Variants in POLA1 observed in about 807,000 individuals in gnomAD.
POLA1 encodes DNA polymerase alpha 1, catalytic subunit, also known as DNA polymerase alpha catalytic subunit.
POLA1 carries 15 observed loss-of-function variants against 124.0 expected under a neutral mutation model. The ratio of observed to expected loss-of-function variants is 0.12; its 90% CI spans 0.08 to 0.19. POLA1 has a LOEUF of 0.19. POLA1 is among the 10% of genes least tolerant of loss of function. POLA1 has a pLI of 1.00. For synonymous variants in POLA1, 408 were observed against 389.4 expected (o/e 1.05, Z -0.56); for missense variants, 886 against 1,103.4 (o/e 0.80, Z 2.79).
At chrX:24,775,445 G>C (rs774202378) in intron 26 of POLA1, 6 of 112,208 alleles carry the variant, frequency 5.3e-5, no homozygotes, top group Non-Finnish European at 9.4e-5. Flanking sequence ...CTTTTGAGTA[G>C]TATCATTTTA....
chrX:24,970,096 C>T (rs1252738159), intron 36 of POLA1, among the ~76,000 whole-genome samples: 3 of 111,997 alleles, frequency 2.7e-5, no homozygotes, highest in South Asian at 3.7e-4. Context: ...ATTGATTCCA[C>T]GTCTCTGCAG....
intron 26 of POLA1, among the ~76,000 whole-genome samples, chrX:24,782,195 A>G (rs749521568): frequency 6.1e-4 from 68 of 112,049 alleles, no homozygotes; most frequent in African/African-American, 2.1e-3. Context: ...TTTTCTCTTT[A>G]TAGACAACCC....
intron 1 of POLA1, among the ~76,000 whole-genome samples, chrX:24,699,029 G>A (rs987399049): frequency 8.9e-6 from 1 of 112,004 alleles, no homozygotes; most frequent in Non-Finnish European, 1.9e-5. Context: ...TTGATTGACA[G>A]ATTGCAAAAT....
At chrX:24,881,543 A>T (rs190101502) in intron 34 of POLA1, among the ~76,000 whole-genome samples, 8 of 111,779 alleles carry the variant, frequency 7.2e-5, no homozygotes, top group African/African-American at 9.7e-5. Flanking sequence ...AGTTTTTCAT[A>T]ACCTCAATTC....
intron 33 of POLA1, among the ~76,000 whole-genome samples, chrX:24,842,170 T>C (rs1410732444): frequency 3.6e-5 from 4 of 112,051 alleles, no homozygotes; most frequent in Non-Finnish European, 7.5e-5. Context: ...CCCCCATCTA[T>C]TAAGACTTAG....
chrX:24,723,873 G>A (rs1177527665), intron 11 of POLA1, among the ~76,000 whole-genome samples: 1 of 112,131 alleles, frequency 8.9e-6, no homozygotes, highest in African/African-American at 3.2e-5. Flanking sequence ...TAGATACAGG[G>A]TTTCACCATG....
At chrX:24,831,540 C>T (rs1197608883) in intron 32 of POLA1, among the ~76,000 whole-genome samples, 1 of 110,602 alleles carries the variant, frequency 9.0e-6, no homozygotes, top group Non-Finnish European at 1.9e-5. Context: ...CCTGCCTCAG[C>T]CTCCTGAGTA....
chrX:24,815,237 CAACT>C (rs2045974078), intron 30 of POLA1, 126 bp downstream of exon 30: 1 of 606,364 alleles, frequency 1.6e-6, no homozygotes, highest in African/African-American at 2.3e-5. Flanking sequence ...AGCTGCTTAA[CAACT>C]ATCTCACAGA....
At chrX:24,822,410 A>AT (rs1457389340) in intron 31 of POLA1, among the ~76,000 whole-genome samples, 1 of 112,802 alleles carries the variant, frequency 8.9e-6, no homozygotes, top group African/African-American at 3.2e-5. Flanking sequence ...TTGTTATTGC[A>AT]TTGTGTTGTT....
intron 36 of POLA1, among the ~76,000 whole-genome samples, chrX:24,940,997 G>A: frequency 8.9e-6 from 1 of 111,964 alleles, no homozygotes; most frequent in Non-Finnish European, 1.9e-5. Flanking sequence ...CTAGTAGTTA[G>A]GGGTTATTTT....
At chrX:24,716,486 T>C (rs1476568737) in intron 7 of POLA1, 32 bp downstream of exon 7, 15 of 763,784 alleles carry the variant, frequency 2.0e-5, no homozygotes, top group Non-Finnish European at 3.0e-5. Flanking sequence ...TCAATCTTGA[T>C]TTATAGTATT....
chrX:24,990,093 C>T (rs890301043), intron 36 of POLA1, among the ~76,000 whole-genome samples: 2 of 111,665 alleles, frequency 1.8e-5, no homozygotes, highest in Non-Finnish European at 3.8e-5. Context: ...TACAGAGATA[C>T]GTGTAAAATA....
intron 35 of POLA1, among the ~76,000 whole-genome samples, chrX:24,920,182 A>C (rs2047597088): frequency 9.0e-6 from 1 of 110,847 alleles, no homozygotes; most frequent in Non-Finnish European, 1.9e-5. Flanking sequence ...ACATATTTTT[A>C]ATCAAAGGTG....
chrX:24,952,708 G>C (rs1032808357), intron 36 of POLA1, among the ~76,000 whole-genome samples: 1 of 112,190 alleles, frequency 8.9e-6, no homozygotes, highest in Non-Finnish European at 1.9e-5. Flanking sequence ...CAGTTTTTTA[G>C]TAGTTTGTTG....
At chrX:24,709,239 G>A (rs1437527019) in intron 4 of POLA1, among the ~76,000 whole-genome samples, 3 of 99,728 alleles carry the variant, frequency 3.0e-5, no homozygotes, top group African/African-American at 4.1e-5. Context: ...GGCCGGGCGG[G>A]GGGCTGACCC....
intron 32 of POLA1, among the ~76,000 whole-genome samples, chrX:24,831,572 C>T (rs1252270112): frequency 1.8e-5 from 2 of 109,936 alleles, no homozygotes; most frequent in African/African-American, 6.6e-5. Flanking sequence ...AGGTGTGTGC[C>T]ACCACACCTG....
intron 26 of POLA1, chrX:24,788,914 G>C (rs748275116): frequency 8.3e-7 from 1 of 1,200,659 alleles, no homozygotes; most frequent in Non-Finnish European, 1.1e-6. Flanking sequence ...ACCAACGTAG[G>C]GCATGACACA....
At chrX:24,781,951 G>C (rs934519375) in intron 26 of POLA1, among the ~76,000 whole-genome samples, 2 of 111,494 alleles carry the variant, frequency 1.8e-5, no homozygotes, top group Admixed American at 9.6e-5. Flanking sequence ...TAGGTCTCTG[G>C]ATCTCAGCCT....
rs555971201 is a variant in POLA1 at position 24,810,069 on chromosome X, T to C, written c.2997+139T>C. ...GTTTAACATTTATAATCCTTCCTAATGGATTACAGCTTTTTTCTTTTACCA... is the reference window on the plus strand; with the variant it reads ...GTTTAACATTTATAATCCTTCCTAACGGATTACAGCTTTTTTCTTTTACCA... On this transcript the variant is annotated intron_variant, in intron 27 of 36. Transcript: ENST00000379068. The C allele has an allele frequency of 1.9e-5, 8 of 425,161 alleles. No homozygotes were observed. In the Admixed American group the frequency reaches 3.7e-4, roughly 20 times the overall value. The allele number at this position is 425,161 out of a possible 1,213,427, so 35.0% of individuals were successfully genotyped here. A position where few individuals can be genotyped will look rare whatever the true frequency, so the allele number is the denominator to read the frequency against.
Sources: gnomAD v4.1 joint callset for allele counts (sites outside exome capture counted in the v4.1 genomes callset) on GRCh38, gnomAD v4.1.1 for gene constraint, MANE v1.5 for transcripts, NCBI Gene and HGNC (gene_info 2026-07-23, HGNC 2026-07-21) for gene names.